GNAQ: variants seen among roughly 807,000 people sequenced by gnomAD.
The protein encoded by GNAQ is guanine nucleotide-binding protein G(q) subunit alpha.
In GNAQ, 8 loss-of-function variants were observed where a neutral mutation model predicts 43.9. The observed-to-expected ratio is 0.18, with a 90% CI of 0.11 to 0.33. The LOEUF (loss-of-function observed/expected upper bound fraction) is 0.33. Among genes scored for constraint, GNAQ ranks in the 10% least tolerant of loss-of-function variants. The pLI, the probability that GNAQ is intolerant of heterozygous loss-of-function variation, is 1.00. For synonymous variants in GNAQ, 155 were observed against 170.7 expected (o/e 0.91, Z 0.71); for missense variants, 158 against 450.8 (o/e 0.35, Z 5.88).
intron 5 of GNAQ, among the ~76,000 whole-genome samples, chr9:77,754,689 A>G (rs1587899331): frequency 6.6e-6 from 1 of 152,220 alleles, no homozygotes; most frequent in African/African-American, 2.4e-5. Flanking sequence ...TGGTTCCAAG[A>G]CCTGCCAAGT....
intron 3 of GNAQ, among the ~76,000 whole-genome samples, chr9:77,809,716 A>G (rs1284733842): frequency 1.3e-5 from 2 of 152,182 alleles, no homozygotes; most frequent in Non-Finnish European, 2.9e-5. Context: ...CTGTGGTTCT[A>G]TCATTGCTGC....
intron 1 of GNAQ, among the ~76,000 whole-genome samples, chr9:77,924,755 G>C: frequency 6.6e-6 from 1 of 151,964 alleles, no homozygotes; most frequent in Non-Finnish European, 1.5e-5. Flanking sequence ...GAATGAATTA[G>C]GATAAATTAA....
At chr9:77,978,913 G>A (rs149410695) in intron 1 of GNAQ, among the ~76,000 whole-genome samples, 17 of 151,708 alleles carry the variant, frequency 1.1e-4, no homozygotes, top group African/African-American at 3.1e-4. Context: ...AAAATCAGCC[G>A]GGCGTGGTGG....
chr9:77,856,432 T>C (rs992247183), intron 2 of GNAQ, among the ~76,000 whole-genome samples: 2 of 152,204 alleles, frequency 1.3e-5, no homozygotes, highest in Non-Finnish European at 2.9e-5. Context: ...TTTTAACTAT[T>C]ACACATGGAT....
chr9:77,955,327 G>C (rs1328733499), intron 1 of GNAQ, among the ~76,000 whole-genome samples: 1 of 152,096 alleles, frequency 6.6e-6, no homozygotes, highest in Admixed American at 6.6e-5. Context: ...ATTTTTAAGA[G>C]AGACGGGATT....
chr9:77,968,247 G>C (rs1039861136), intron 1 of GNAQ, among the ~76,000 whole-genome samples: 5 of 151,848 alleles, frequency 3.3e-5, no homozygotes, highest in African/African-American at 1.2e-4. Context: ...CGGTAGAAAG[G>C]CAGAAACAAA....
chr9:77,727,797 G>A (rs116640671), intron 6 of GNAQ, among the ~76,000 whole-genome samples: 2,215 of 152,160 alleles, frequency 0.015, 60 homozygotes, highest in African/African-American at 0.049. Flanking sequence ...GTCAGAACTG[G>A]GATCTCAACC....
intron 1 of GNAQ, among the ~76,000 whole-genome samples, chr9:77,931,513 C>A (rs1025137985): frequency 1.3e-5 from 2 of 151,976 alleles, no homozygotes; most frequent in African/African-American, 4.8e-5. Context: ...ATGGCGTGAG[C>A]CCCGGAGACG....
intron 1 of GNAQ, among the ~76,000 whole-genome samples, chr9:78,005,865 T>C (rs1045840084): frequency 6.6e-6 from 1 of 152,186 alleles, no homozygotes; most frequent in African/African-American, 2.4e-5. Flanking sequence ...TACAATGTAT[T>C]ACAAGAAAGC....
In GNAQ at chr9:77,720,022, A is replaced by T. The variant is rs1385677948; in HGVS notation, c.*1301T>A. The T allele has an allele frequency of 1.3e-5, 3 of 232,762 alleles. No individual in the cohort carries two copies. Among genetic ancestry groups the T allele is most frequent in the Middle Eastern group, 1.3e-3 (1 of 784 alleles). The allele number at this position is 232,762 out of a possible 1,614,324, so 14.4% of individuals were successfully genotyped here. ...TGAACTTAAAGAACCACTGAGAGTA[A>T]AACTGGTTTCAAATAAAGAGACATA... is the stretch of plus-strand genomic sequence containing the variant. On this transcript the variant is annotated 3_prime_UTR_variant, in exon 7 of 7. Transcript: ENST00000286548.
intron 2 of GNAQ, among the ~76,000 whole-genome samples, chr9:77,825,959 A>G (rs751997972): frequency 2.9e-4 from 44 of 152,230 alleles, no homozygotes; most frequent in Admixed American, 1.7e-3. Flanking sequence ...AAAGGGGTCA[A>G]TATCTAAAAT....
chr9:78,000,976 G>T (rs1485444174), intron 1 of GNAQ, among the ~76,000 whole-genome samples: 4 of 152,180 alleles, frequency 2.6e-5, no homozygotes, highest in Non-Finnish European at 5.9e-5. Context: ...GTAACCTTGT[G>T]ACTAGCTGGG....
chr9:77,991,100 C>G (rs1823501632), intron 1 of GNAQ, among the ~76,000 whole-genome samples: 2 of 152,232 alleles, frequency 1.3e-5, no homozygotes. Context: ...AAACAATAAA[C>G]CTTACTGACA....
chr9:77,815,838 ACATT>A, intron 2 of GNAQ, 68 bp from the exon 3 acceptor site: 1 of 971,578 alleles, frequency 1.0e-6, no homozygotes, highest in Non-Finnish European at 1.6e-6. Context: ...TTTGCATATT[ACATT>A]ATATACAATT....
intron 5 of GNAQ, among the ~76,000 whole-genome samples, chr9:77,751,802 A>G (rs1825816581): frequency 6.6e-6 from 1 of 152,102 alleles, no homozygotes; most frequent in Non-Finnish European, 1.5e-5. Context: ...AAACAAACAA[A>G]CAAACAAACA....
At chr9:77,935,237 T>A (rs1231999621) in intron 1 of GNAQ, among the ~76,000 whole-genome samples, 3 of 152,176 alleles carry the variant, frequency 2.0e-5, no homozygotes, top group African/African-American at 7.2e-5. Context: ...ATTGTTCACA[T>A]TTTAAAGTTT....
intron 1 of GNAQ, among the ~76,000 whole-genome samples, chr9:77,974,032 T>TC (rs1354016909): frequency 3.9e-5 from 6 of 152,174 alleles, no homozygotes; most frequent in Admixed American, 6.5e-5. Flanking sequence ...TATTTGCATC[T>TC]CCTTTAATTT....
chr9:77,770,978 T>C (rs895171902), intron 5 of GNAQ, among the ~76,000 whole-genome samples: 5 of 152,208 alleles, frequency 3.3e-5, no homozygotes, highest in Admixed American at 2.0e-4. Flanking sequence ...TTTCAGATCA[T>C]GAAAAATAAA....
At chr9:78,009,966 T>C (rs1587459479) in intron 1 of GNAQ, among the ~76,000 whole-genome samples, 1 of 152,164 alleles carries the variant, frequency 6.6e-6, no homozygotes, top group African/African-American at 2.4e-5. Context: ...CTGGTACTGG[T>C]AGAGAAAGTT....
Sources: gnomAD v4.1 joint callset for allele counts (sites outside exome capture counted in the v4.1 genomes callset) on GRCh38, gnomAD v4.1.1 for gene constraint, MANE v1.5 for transcripts, NCBI Gene and HGNC (gene_info 2026-07-23, HGNC 2026-07-21) for gene names.